ADAMTSL1: variants seen among roughly 807,000 people sequenced by gnomAD.
The protein encoded by ADAMTSL1 is ADAMTS like 1, also known as ADAMTS-like protein 1.
ADAMTSL1 carries 126 observed loss-of-function variants against 201.8 expected under a neutral mutation model. The observed-to-expected ratio is 0.62, with a 90% confidence interval of 0.54 to 0.72. The LOEUF (loss-of-function observed/expected upper bound fraction) is 0.72. ADAMTSL1 is among the 30% of genes least tolerant of loss of function. ADAMTSL1 has a pLI of 0.00. For synonymous variants in ADAMTSL1, 1,121 were observed against 903.4 expected (o/e 1.24, Z -4.32); for missense variants, 2,679 against 2,277.8 (o/e 1.18, Z -3.59).
At chr9:18,890,723 C>T (rs1431156335) in intron 25 of ADAMTSL1, 2 of 361,920 alleles carry the variant, frequency 5.5e-6, no homozygotes, top group East Asian at 8.0e-5. Flanking sequence ...TTTCTCAAAC[C>T]CCCCCCACCC....
chr9:18,841,982 A>C (rs1420965958), intron 23 of ADAMTSL1, among the ~76,000 whole-genome samples: 1 of 151,738 alleles, frequency 6.6e-6, no homozygotes, highest in East Asian at 1.9e-4. Context: ...TCCTTTCAAA[A>C]AACCAGCTCC....
At chr9:18,386,039 C>T (rs1035337760) in intron 2 of ADAMTSL1, among the ~76,000 whole-genome samples, 1 of 152,014 alleles carries the variant, frequency 6.6e-6, no homozygotes, top group African/African-American at 2.4e-5. Context: ...AACAAGCATC[C>T]GAAAACCATT....
chr9:17,926,069 C>T (rs370853624), intron 1 of ADAMTSL1, among the ~76,000 whole-genome samples: 12 of 152,178 alleles, frequency 7.9e-5, no homozygotes, highest in South Asian at 4.1e-4. Flanking sequence ...CCTGCAGATA[C>T]GCTCCACTGA....
chr9:18,307,530 G>A (rs915599289), intron 2 of ADAMTSL1, among the ~76,000 whole-genome samples: 2 of 152,022 alleles, frequency 1.3e-5, no homozygotes, highest in Non-Finnish European at 2.9e-5. Context: ...CCAAAAAAAA[G>A]CAGGGGTTGC....
Position 18,436,843 on chromosome 9 carries a change from C to T in ADAMTSL1, c.208-67986C>T, listed in dbSNP as rs181832983. Among the ~76,000 whole-genome samples, 276 of 152,278 alleles carry T rather than the reference C, an allele frequency of 1.8e-3. 1 individual carries two copies. The highest frequency in any genetic ancestry group is 6.5e-3 in the African/African-American group (269 of 41,540). ...TGGAAGCAGACTCTGAGGTGGAGAG[C>T]TTCCTGCAAAAATGTTTGTTGCAGA... On this transcript the variant is annotated intron_variant, in intron 2 of 29. Transcript: ENST00000680146.
chr9:18,206,931 G>A (rs1037231788), intron 2 of ADAMTSL1, among the ~76,000 whole-genome samples: 19 of 152,058 alleles, frequency 1.2e-4, no homozygotes, highest in Admixed American at 9.2e-4. Flanking sequence ...TTGAGAGGCC[G>A]AGGTGGGTGA....
chr9:18,442,263 A>G (rs72686901), intron 2 of ADAMTSL1, among the ~76,000 whole-genome samples: 655 of 152,372 alleles, frequency 4.3e-3, no homozygotes, highest in Non-Finnish European at 6.9e-3. Context: ...ATTTTTATCT[A>G]CATAGCAGAC....
chr9:18,803,807 C>G (rs903246408), intron 20 of ADAMTSL1, among the ~76,000 whole-genome samples: 5 of 152,044 alleles, frequency 3.3e-5, no homozygotes, highest in African/African-American at 7.2e-5. Flanking sequence ...ATTTCATTTT[C>G]TATATTATCT....
At chr9:18,294,306 CAG>C (rs1409990213) in intron 2 of ADAMTSL1, among the ~76,000 whole-genome samples, 1 of 152,126 alleles carries the variant, frequency 6.6e-6, no homozygotes, top group African/African-American at 2.4e-5. Context: ...ATATTGGAAA[CAG>C]AAATAAAAGG....
intron 2 of ADAMTSL1, among the ~76,000 whole-genome samples, chr9:18,296,950 T>G (rs1328534077): frequency 2.6e-5 from 4 of 152,190 alleles, no homozygotes; most frequent in Admixed American, 6.5e-5. Context: ...GTTGAGTACT[T>G]TTTAAAAGAA....
intron 1 of ADAMTSL1, among the ~76,000 whole-genome samples, chr9:18,019,615 T>A (rs1420385147): frequency 2.6e-5 from 4 of 152,190 alleles, no homozygotes; most frequent in African/African-American, 9.6e-5. Flanking sequence ...GAGAAAGACT[T>A]ACCTGGAAGA....
intron 2 of ADAMTSL1, among the ~76,000 whole-genome samples, chr9:18,467,219 A>G (rs1821041888): frequency 6.6e-6 from 1 of 152,182 alleles, no homozygotes; most frequent in African/African-American, 2.4e-5. Flanking sequence ...GTACCTATAG[A>G]TATATGAGAC....
At chr9:18,333,618 G>A (rs1835117830) in intron 2 of ADAMTSL1, among the ~76,000 whole-genome samples, 1 of 152,076 alleles carries the variant, frequency 6.6e-6, no homozygotes, top group Non-Finnish European at 1.5e-5. Flanking sequence ...ACAGTAAAAA[G>A]TTAGAGAAAC....
At chr9:18,170,674 A>G (rs1487299316) in intron 2 of ADAMTSL1, among the ~76,000 whole-genome samples, 1 of 152,064 alleles carries the variant, frequency 6.6e-6, no homozygotes, top group Non-Finnish European at 1.5e-5. Flanking sequence ...AAAAGCCTGG[A>G]TTGTTTTAAA....
At chr9:18,880,196 A>T (rs1273237135) in intron 23 of ADAMTSL1, among the ~76,000 whole-genome samples, 1 of 152,162 alleles carries the variant, frequency 6.6e-6, no homozygotes, top group Non-Finnish European at 1.5e-5. Flanking sequence ...TGAGGGCTAG[A>T]ATCAACCTCT....
intron 5 of ADAMTSL1, among the ~76,000 whole-genome samples, chr9:18,626,877 T>TA (rs1564099687): frequency 2.4e-3 from 212 of 89,608 alleles, no homozygotes; most frequent in African/African-American, 0.012. Context: ...CTGTCTTTCT[T>TA]CCTTCCTTCC....
chr9:18,471,285 A>C (rs1475724421), upstream of ADAMTSL1, among the ~76,000 whole-genome samples: 1 of 152,230 alleles, frequency 6.6e-6, no homozygotes, highest in African/African-American at 2.4e-5. Context: ...ATATAGATAT[A>C]ATGCATATAT....
chr9:18,904,446 T>A (rs532136944), intron 26 of ADAMTSL1, among the ~76,000 whole-genome samples: 26 of 151,646 alleles, frequency 1.7e-4, no homozygotes, highest in African/African-American at 6.3e-4. Flanking sequence ...TCTAGCCTGG[T>A]GACAGTGAGA....
At chr9:18,350,744 G>C (rs1835931281) in intron 2 of ADAMTSL1, among the ~76,000 whole-genome samples, 1 of 152,008 alleles carries the variant, frequency 6.6e-6, no homozygotes. Flanking sequence ...TTTTACTTTG[G>C]CCAGACAGAG....
Sources: allele counts gnomAD v4.1 joint callset (sites outside exome capture counted in the v4.1 genomes callset), GRCh38; gene constraint gnomAD v4.1.1; transcripts MANE v1.5; gene names NCBI Gene and HGNC (gene_info 2026-07-23, HGNC 2026-07-21).